Variants in PLCB1 observed in about 807,000 individuals in gnomAD.
PLCB1 encodes 1-phosphatidylinositol 4,5-bisphosphate phosphodiesterase beta-1.
A neutral mutation model predicts 161.8 loss-of-function variants in PLCB1; 46 were observed. The observed-to-expected ratio is 0.28, with a 90% CI of 0.22 to 0.36. PLCB1 has a LOEUF of 0.36. PLCB1 is among the 10% of genes least tolerant of loss of function. PLCB1 has a pLI of 1.00. For missense variants in PLCB1, 1,016 were observed against 1,472.5 expected, an observed-to-expected ratio of 0.69 and a Z score of 5.07; for synonymous variants, 517 against 503.7, an observed-to-expected ratio of 1.03 and a Z score of -0.35.
intron 3 of PLCB1, among the ~76,000 whole-genome samples, chr20:8,450,290 C>T (rs1284477591): frequency 2.0e-5 from 3 of 152,032 alleles, no homozygotes; most frequent in East Asian, 3.9e-4. Flanking sequence ...TATTTCAATA[C>T]CTGATATTTA....
intron 3 of PLCB1, among the ~76,000 whole-genome samples, chr20:8,551,159 G>A (rs1027522554): frequency 1.3e-5 from 2 of 151,966 alleles, no homozygotes; most frequent in Non-Finnish European, 2.9e-5. Flanking sequence ...TTCAATTTAG[G>A]ATAACTGAAG....
At chr20:8,459,648 A>G (rs1981482090) in intron 3 of PLCB1, among the ~76,000 whole-genome samples, 1 of 152,318 alleles carries the variant, frequency 6.6e-6, no homozygotes, top group African/African-American at 2.4e-5. Context: ...AAACTTGATC[A>G]TGTATATTAT....
At chr20:8,790,605 C>G (rs781698318) in intron 31 of PLCB1, among the ~76,000 whole-genome samples, 3 of 152,290 alleles carry the variant, frequency 2.0e-5, no homozygotes, top group African/African-American at 7.2e-5. Flanking sequence ...ACTAAGTAAA[C>G]GTCAGTTCTA....
intron 2 of PLCB1, among the ~76,000 whole-genome samples, chr20:8,343,093 A>G (rs1390442682): frequency 6.6e-6 from 1 of 152,116 alleles, no homozygotes; most frequent in African/African-American, 2.4e-5. Flanking sequence ...CCCTTTTAGG[A>G]TATTGTTGTT....
chr20:8,231,824 T>A (rs1980056666), intron 2 of PLCB1, among the ~76,000 whole-genome samples: 1 of 152,160 alleles, frequency 6.6e-6, no homozygotes, highest in Admixed American at 6.5e-5. Flanking sequence ...ATTATCAACC[T>A]CTTAAAATGA....
intron 31 of PLCB1, among the ~76,000 whole-genome samples, chr20:8,835,090 G>A (rs1986229945): frequency 1.3e-5 from 2 of 152,160 alleles, no homozygotes; most frequent in Admixed American, 6.5e-5. Flanking sequence ...CGCACTCTGT[G>A]TCCCAGCAAA....
At chr20:8,668,382 G>A (rs1216325648) in intron 9 of PLCB1, among the ~76,000 whole-genome samples, 5 of 152,162 alleles carry the variant, frequency 3.3e-5, no homozygotes, top group Non-Finnish European at 4.4e-5. Context: ...GCTAGGGATA[G>A]CATTATTTTA....
chr20:8,453,502 G>A (rs1981165429), intron 3 of PLCB1, among the ~76,000 whole-genome samples: 2 of 152,218 alleles, frequency 1.3e-5, no homozygotes. Flanking sequence ...AATGAATGTG[G>A]ACTGAACACT....
intron 2 of PLCB1, among the ~76,000 whole-genome samples, chr20:8,185,251 T>G (rs2051890729): frequency 6.6e-6 from 1 of 152,198 alleles, no homozygotes; most frequent in Admixed American, 6.5e-5. Flanking sequence ...TTCTGGGCAT[T>G]TATCTTTTTA....
At chr20:8,394,933 T>G (rs1987720559) in intron 3 of PLCB1, among the ~76,000 whole-genome samples, 1 of 152,196 alleles carries the variant, frequency 6.6e-6, no homozygotes, top group Non-Finnish European at 1.5e-5. Context: ...GTTAAACTTT[T>G]AAATTAAATC....
At chr20:8,528,782 T>C (rs1007469121) in intron 3 of PLCB1, among the ~76,000 whole-genome samples, 13 of 151,840 alleles carry the variant, frequency 8.6e-5, no homozygotes, top group Admixed American at 7.9e-4. Flanking sequence ...CCATGACCAA[T>C]ACTAGATAAT....
At chr20:8,675,465 G>A (rs1187915745) in intron 9 of PLCB1, among the ~76,000 whole-genome samples, 1 of 152,046 alleles carries the variant, frequency 6.6e-6, no homozygotes, top group African/African-American at 2.4e-5. Context: ...TATAAAGAAA[G>A]CCAGGGAATC....
At chr20:8,788,552 A>G in intron 28 of PLCB1, 27 bp downstream of exon 28, 1 of 1,605,510 alleles carries the variant, frequency 6.2e-7, no homozygotes, top group Non-Finnish European at 8.5e-7. Context: ...ATTACAATTG[A>G]CATGTGCATC....
rs146972116 is a variant in PLCB1 at position 8,836,420 on chromosome 20, C to T, written c.3424-45202C>T. Reference sequence around the variant, plus strand: ...AGGAGAGCTGATGGGGTATTACACACACACACATACACTATTGATTCTGTC... The same window carrying T: ...AGGAGAGCTGATGGGGTATTACACATACACACATACACTATTGATTCTGTC... On this transcript the variant is annotated intron_variant, in intron 31 of 31. Coordinates refer to ENST00000338037, the MANE Select transcript of PLCB1 (RefSeq NM_015192.4). Among the ~76,000 whole-genome samples, 435 of 94,432 alleles carry T rather than the reference C, an allele frequency of 4.6e-3. 2 individuals carry two copies. Among genetic ancestry groups the T allele is most frequent in the African/African-American group, 0.012 (405 of 32,850 alleles). 62.0% of individuals were successfully genotyped at this position (94,432 alleles called of 152,430 possible).
intron 3 of PLCB1, among the ~76,000 whole-genome samples, chr20:8,522,315 C>T (rs1247876833): frequency 6.6e-6 from 1 of 152,160 alleles, no homozygotes; most frequent in East Asian, 1.9e-4. Flanking sequence ...GTTACCTCCC[C>T]ATCTCAGGCT....
chr20:8,839,363 C>A (rs1367852764), intron 31 of PLCB1, among the ~76,000 whole-genome samples: 1 of 152,042 alleles, frequency 6.6e-6, no homozygotes, highest in African/African-American at 2.4e-5. Flanking sequence ...TGTGTTACTC[C>A]CACTCATTTA....
At chr20:8,638,495 T>TACACGCAC (rs1197309917) in intron 4 of PLCB1, among the ~76,000 whole-genome samples, 1 of 151,986 alleles carries the variant, frequency 6.6e-6, no homozygotes, top group Non-Finnish European at 1.5e-5. Flanking sequence ...AAAAACATTA[T>TACACGCAC]ACACGCACAC....
chr20:8,288,741 G>C (rs1384568844), intron 2 of PLCB1, among the ~76,000 whole-genome samples: 1 of 152,150 alleles, frequency 6.6e-6, no homozygotes, highest in Non-Finnish European at 1.5e-5. Context: ...CCCGTGAAGG[G>C]AACCTGAGTG....
intron 3 of PLCB1, among the ~76,000 whole-genome samples, chr20:8,390,026 C>G (rs1361185438): frequency 6.6e-6 from 1 of 152,114 alleles, no homozygotes; most frequent in Non-Finnish European, 1.5e-5. Flanking sequence ...ATATGCTTGT[C>G]AAAAGGACCA....
Sources: gnomAD v4.1 joint callset for allele counts (sites outside exome capture counted in the v4.1 genomes callset) on GRCh38, gnomAD v4.1.1 for gene constraint, MANE v1.5 for transcripts, NCBI Gene and HGNC (gene_info 2026-07-23, HGNC 2026-07-21) for gene names.